GRIK1: variants seen among roughly 807,000 people sequenced by gnomAD.
The protein encoded by GRIK1 is glutamate ionotropic receptor kainate type subunit 1.
GRIK1 carries 69 observed loss-of-function variants against 105.7 expected under a neutral mutation model. The observed-to-expected ratio is 0.65, with a 90% CI of 0.54 to 0.80. GRIK1 has a LOEUF of 0.80. Among genes scored for constraint, GRIK1 ranks in the 30% least tolerant of loss-of-function variants. The probability of loss-of-function intolerance (pLI) is 0.00; values close to 1 mark genes in which losing one functional copy is unlikely to be tolerated. For synonymous variants in GRIK1, 438 were observed against 431.3 expected (o/e 1.02, Z -0.19); for missense variants, 1,109 against 1,167.3 (o/e 0.95, Z 0.73).
intron 13 of GRIK1, among the ~76,000 whole-genome samples, chr21:29,578,847 A>C (rs1294746476): frequency 6.6e-6 from 1 of 152,142 alleles, no homozygotes; most frequent in East Asian, 1.9e-4. Flanking sequence ...ATATTATTTT[A>C]GCTCTTTAGT....
chr21:29,549,570 C>G (rs959218715), intron 16 of GRIK1, among the ~76,000 whole-genome samples: 3 of 152,102 alleles, frequency 2.0e-5, no homozygotes, highest in East Asian at 1.9e-4. Flanking sequence ...GGAGAAAGGT[C>G]GAGAGGTAGA....
chr21:29,613,198 A>T (rs2061768538), intron 7 of GRIK1, among the ~76,000 whole-genome samples: 1 of 152,144 alleles, frequency 6.6e-6, no homozygotes, highest in Non-Finnish European at 1.5e-5. Context: ...CCTACTTAAG[A>T]TCTCCTCAAC....
chr21:29,702,511 A>G (rs1321021328), intron 1 of GRIK1, among the ~76,000 whole-genome samples: 1 of 152,178 alleles, frequency 6.6e-6, no homozygotes, highest in African/African-American at 2.4e-5. Flanking sequence ...CAGGAGTTTG[A>G]GACCAGACTG....
intron 1 of GRIK1, among the ~76,000 whole-genome samples, chr21:29,754,464 T>C (rs566383865): frequency 1.8e-4 from 27 of 152,334 alleles, no homozygotes; most frequent in Non-Finnish European, 3.1e-4. Context: ...TCCTACTATT[T>C]AGTTGAGTTA....
At chr21:29,670,385 T>G (rs1000815934) in intron 4 of GRIK1, among the ~76,000 whole-genome samples, 3 of 152,190 alleles carry the variant, frequency 2.0e-5, no homozygotes, top group Non-Finnish European at 1.5e-5. Context: ...AGAGTGCCAT[T>G]CTTGGATATT....
chr21:29,847,169 C>T (rs1004237042), intron 1 of GRIK1, among the ~76,000 whole-genome samples: 9 of 152,180 alleles, frequency 5.9e-5, no homozygotes, highest in African/African-American at 9.6e-5. Context: ...CTTAGCTCTC[C>T]GCTCTTTTCT....
Position 29,595,277 on chromosome 21 carries a change from C to A in GRIK1, c.1251+1249G>T, listed in dbSNP as rs76131991. On this transcript the variant is annotated intron_variant, in intron 9 of 17. Transcript: ENST00000327783. The stretch of plus-strand genomic sequence containing the variant: ...AATTTCAAAGCTTGGATTCCATTCC[C>A]TGGGACATTTGTATTAGATTAATTC... 5.6e-3 allele frequency among the ~76,000 whole-genome samples: 844 copies of A among 151,452 alleles called. 18 individuals are homozygous for A. The highest frequency in any genetic ancestry group is 0.019 in the African/African-American group (797 of 41,216).
chr21:29,806,920 G>A (rs1239967640), intron 1 of GRIK1, among the ~76,000 whole-genome samples: 1 of 152,106 alleles, frequency 6.6e-6, no homozygotes, highest in Non-Finnish European at 1.5e-5. Context: ...ATTATTGTTG[G>A]ACATGACCAA....
intron 9 of GRIK1, among the ~76,000 whole-genome samples, chr21:29,593,281 C>T (rs2061358136): frequency 6.6e-6 from 1 of 151,876 alleles, no homozygotes; most frequent in Non-Finnish European, 1.5e-5. Context: ...GGGTTGTAAG[C>T]TGTACTCTTA....
At chr21:29,766,752 A>G (rs2065677344) in intron 1 of GRIK1, among the ~76,000 whole-genome samples, 1 of 152,116 alleles carries the variant, frequency 6.6e-6, no homozygotes, top group Non-Finnish European at 1.5e-5. Flanking sequence ...AGGGAGAAGA[A>G]TAAGTGAAGT....
At chr21:29,866,748 C>T (rs1481010635) in intron 1 of GRIK1, among the ~76,000 whole-genome samples, 5 of 152,150 alleles carry the variant, frequency 3.3e-5, no homozygotes, top group African/African-American at 1.2e-4. Flanking sequence ...ACACAAAATT[C>T]AAATGATGTT....
In GRIK1 at chr21:29,577,042, A is replaced by C; in HGVS notation, c.2052T>G (p.Asp684Glu). The change falls in exon 14 of 18, where the codon GAT becomes GAG. Residue 684 changes from aspartate (D) to glutamate (E), a missense_variant. Asp to Glu is a conservative substitution (Grantham distance 45). This residue lies in a region of GRIK1 where 264 missense variants were observed against 306.9 expected (regional missense o/e 0.86). Coordinates refer to ENST00000327783, the MANE Select transcript of GRIK1 (RefSeq NM_001330994.2). ...TTTGCTTTGCCAGATCATCTGCCGAATCTATGGGGGATTCCATTCTCTCTA... is the reference window on the plus strand; with the variant it reads ...TTTGCTTTGCCAGATCATCTGCCGACTCTATGGGGGATTCCATTCTCTCTA... ...LTVERMESPI[D>E]SADDLAKQTK... is the part of the protein sequence containing the mutation. The C allele has an allele frequency of 6.2e-7, 1 of 1,613,748 alleles. No individual in the cohort carries two copies. The highest frequency in any genetic ancestry group is 1.3e-5 in the African/African-American group (1 of 75,026).
intron 1 of GRIK1, among the ~76,000 whole-genome samples, chr21:29,789,877 G>A (rs960344690): frequency 7.9e-5 from 12 of 152,048 alleles, no homozygotes; most frequent in Non-Finnish European, 1.3e-4. Flanking sequence ...ACTTTAAAAG[G>A]GTATTTGTAA....
chr21:29,733,609 G>A (rs16984865), intron 1 of GRIK1, among the ~76,000 whole-genome samples: 5,828 of 151,944 alleles, frequency 0.038, 255 homozygotes, highest in East Asian at 0.1. Flanking sequence ...TTTAGCTTCA[G>A]CACTTGACAT....
At chr21:29,831,841 C>G (rs966728676) in intron 1 of GRIK1, among the ~76,000 whole-genome samples, 1 of 152,272 alleles carries the variant, frequency 6.6e-6, no homozygotes, top group East Asian at 1.9e-4. Flanking sequence ...CCCATCCCAA[C>G]AGTTCCCCAA....
At chr21:29,561,878 C>A in intron 14 of GRIK1, 29 bp from the exon 15 acceptor site, 2 of 1,327,054 alleles carry the variant, frequency 1.5e-6, no homozygotes, top group Non-Finnish European at 2.2e-6. Flanking sequence ...CACTCACCAG[C>A]AGAAGAGGGC....
chr21:29,717,748 T>C (rs769411708), intron 1 of GRIK1, among the ~76,000 whole-genome samples: 1 of 152,206 alleles, frequency 6.6e-6, no homozygotes, highest in Non-Finnish European at 1.5e-5. Flanking sequence ...TTTGGGTTAA[T>C]GCCAGAATGA....
At chr21:29,807,569 C>G (rs1454158997) in intron 1 of GRIK1, among the ~76,000 whole-genome samples, 1 of 151,908 alleles carries the variant, frequency 6.6e-6, no homozygotes, top group African/African-American at 2.4e-5. Flanking sequence ...GGTTCTTATT[C>G]TAAGATAGAG....
At chr21:29,874,408 G>A (rs1331063168) in intron 1 of GRIK1, among the ~76,000 whole-genome samples, 1 of 152,144 alleles carries the variant, frequency 6.6e-6, no homozygotes, top group East Asian at 1.9e-4. Flanking sequence ...CTAGGGCGAG[G>A]CCAGATGCAG....
Sources: gnomAD v4.1 joint callset for allele counts (sites outside exome capture counted in the v4.1 genomes callset) on GRCh38, gnomAD v4.1.1 for gene constraint, gnomAD v4.1.1 regional missense constraint, MANE v1.5 for transcripts, NCBI Gene and HGNC (gene_info 2026-07-23, HGNC 2026-07-21) for gene names.